The following TAMM41 variants were observed in gnomAD, a reference collection of about 807,000 sequenced individuals.
TAMM41 encodes the protein phosphatidate cytidylyltransferase, mitochondrial.
In TAMM41, 36 loss-of-function variants were observed where a neutral mutation model predicts 44.1. The observed-to-expected ratio is 0.82, with a 90% CI of 0.63 to 1.08. The LOEUF (loss-of-function observed/expected upper bound fraction) is 1.08. Among genes scored for constraint, TAMM41 ranks in the 50% least tolerant of loss-of-function variants. The pLI, the probability that TAMM41 is intolerant of heterozygous loss-of-function variation, is 0.00. For synonymous variants in TAMM41, 164 were observed against 153.1 expected, an observed-to-expected ratio of 1.07 and a Z score of -0.53; for missense variants, 417 against 404.3, an observed-to-expected ratio of 1.03 and a Z score of -0.27.
intron 7 of TAMM41, among the ~76,000 whole-genome samples, chr3:11,802,013 G>A (rs921579791): frequency 2.0e-5 from 3 of 152,154 alleles, no homozygotes; most frequent in East Asian, 1.9e-4. Context: ...GATTCTAGGA[G>A]TTCAAGACCA....
chr3:11,817,276 A>G lies in TAMM41; in HGVS notation c.624T>C (p.Asn208=). 1.2e-6 allele frequency: 2 copies of G among 1,613,576 alleles called. No homozygotes were observed. Among genetic ancestry groups the G allele is most frequent in the East Asian group, 2.2e-5 (1 of 44,870 alleles). Residue 208 remains asparagine (N), a synonymous_variant, in exon 5 of 8, where the codon AAT becomes AAC. Coordinates refer to ENST00000455809, the MANE Select transcript of TAMM41 (RefSeq NM_001284401.2). ...KTKVLNIVKP[N]IAHFRELYGS... is the part of the protein sequence containing the mutation. Reference sequence around the variant, plus strand: ...CATAGAGCTCTCGAAAGTGGGCTATATTGGGCTTCACAATATTCAACACTT... The same window carrying G: ...CATAGAGCTCTCGAAAGTGGGCTATGTTGGGCTTCACAATATTCAACACTT...
chr3:11,746,680 T>C, the TAMM41 span, among the ~76,000 whole-genome samples: 3 of 152,166 alleles, frequency 2.0e-5, no homozygotes, highest in African/African-American at 7.2e-5. Flanking sequence ...GCAGAGTCTC[T>C]CTCTATTGCT....
At chr3:11,816,741 C>G (rs2124983345) in intron 5 of TAMM41, among the ~76,000 whole-genome samples, 1 of 151,834 alleles carries the variant, frequency 6.6e-6, no homozygotes, top group Middle Eastern at 3.4e-3. Flanking sequence ...CCACTGCACT[C>G]TAGCCTGGGA....
chr3:11,773,500 C>T, the TAMM41 span, among the ~76,000 whole-genome samples: 2 of 151,850 alleles, frequency 1.3e-5, no homozygotes, highest in African/African-American at 2.4e-5. Context: ...GGATTACAGG[C>T]GTGAGCCACC....
the TAMM41 span, among the ~76,000 whole-genome samples, chr3:11,722,544 A>T: frequency 2.6e-5 from 4 of 152,352 alleles, no homozygotes; most frequent in African/African-American, 9.6e-5. Context: ...CATACAGCAT[A>T]ATACTCTATT....
At chr3:11,830,797 G>C (rs1045030396) in intron 3 of TAMM41, 7 of 151,820 alleles carry the variant, frequency 4.6e-5, no homozygotes, top group Admixed American at 3.3e-4. Flanking sequence ...CTTCAGTCCA[G>C]GTGGTTGAGG....
intron 7 of TAMM41, among the ~76,000 whole-genome samples, chr3:11,796,086 T>C (rs1021773490): frequency 1.3e-5 from 2 of 152,208 alleles, no homozygotes; most frequent in African/African-American, 2.4e-5. Context: ...CATGAGTGTA[T>C]GTGATGGTCA....
At chr3:11,803,533 T>C (rs561051663) in intron 7 of TAMM41, among the ~76,000 whole-genome samples, 1 of 152,244 alleles carries the variant, frequency 6.6e-6, no homozygotes, top group South Asian at 2.1e-4. Context: ...AAAAATAGAA[T>C]TAACCTTTGA....
At chr3:11,819,475 T>C (rs919437243) in intron 4 of TAMM41, among the ~76,000 whole-genome samples, 1 of 152,174 alleles carries the variant, frequency 6.6e-6, no homozygotes, top group Admixed American at 6.6e-5. Context: ...ACTGAAAGCA[T>C]CCCAAATGTC....
At chr3:11,836,060 G>C (rs537388792) in intron 3 of TAMM41, among the ~76,000 whole-genome samples, 2 of 149,480 alleles carry the variant, frequency 1.3e-5, no homozygotes, top group African/African-American at 4.9e-5. Flanking sequence ...GCAATGGCAC[G>C]ATCTTGGCTC....
chr3:11,750,142 C>T, the TAMM41 span, among the ~76,000 whole-genome samples: 4 of 152,014 alleles, frequency 2.6e-5, no homozygotes, highest in Non-Finnish European at 4.4e-5. Context: ...GTGATCCGCC[C>T]GCCTCGGCCT....
the TAMM41 span, among the ~76,000 whole-genome samples, chr3:11,741,261 C>A: frequency 7.1e-6 from 1 of 140,692 alleles, no homozygotes. Context: ...GCACTGGTGT[C>A]TGGTGTGGGC....
At chr3:11,811,315 TC>T (rs1320909876) in intron 5 of TAMM41, 2 of 152,180 alleles carry the variant, frequency 1.3e-5, no homozygotes, top group Non-Finnish European at 2.9e-5. Context: ...TGTAAAATAA[TC>T]TTAGAAATGA....
At chr3:11,727,855 C>T in the TAMM41 span, among the ~76,000 whole-genome samples, 4 of 149,384 alleles carry the variant, frequency 2.7e-5, no homozygotes, top group African/African-American at 9.9e-5. Flanking sequence ...GGCGCGATCT[C>T]GGCTCACAGC....
At chr3:11,829,581 A>G in intron 4 of TAMM41, 133 bp downstream of exon 4, 1 of 1,002,522 alleles carries the variant, frequency 1.0e-6, no homozygotes, top group South Asian at 1.7e-5. Flanking sequence ...AGGTTAGTGC[A>G]GGAACCACTC....
At chr3:11,814,531 A>C (rs186667348) in intron 5 of TAMM41, among the ~76,000 whole-genome samples, 1 of 152,166 alleles carries the variant, frequency 6.6e-6, no homozygotes, top group Non-Finnish European at 1.5e-5. Flanking sequence ...AAAGGAAAAA[A>C]GGTTAAACCA....
chr3:11,737,896 G>C, the TAMM41 span, among the ~76,000 whole-genome samples: 2 of 152,212 alleles, frequency 1.3e-5, no homozygotes, highest in South Asian at 4.1e-4. Flanking sequence ...GCCATGGGCC[G>C]TTTGACAACG....
chr3:11,792,609 C>A (rs891732613), intron 7 of TAMM41, among the ~76,000 whole-genome samples: 1 of 152,054 alleles, frequency 6.6e-6, no homozygotes, highest in African/African-American at 2.4e-5. Context: ...TCTTTTCTGC[C>A]TTAATATTAT....
the TAMM41 span, among the ~76,000 whole-genome samples, chr3:11,729,875 G>T: frequency 2.0e-5 from 3 of 152,188 alleles, no homozygotes; most frequent in African/African-American, 7.2e-5. Context: ...CCAAGTGTGT[G>T]CAGTGTTGAA....
Sources: gnomAD v4.1 joint callset for allele counts (sites outside exome capture counted in the v4.1 genomes callset) on GRCh38, gnomAD v4.1.1 for gene constraint, MANE v1.5 for transcripts, NCBI Gene and HGNC (gene_info 2026-07-23, HGNC 2026-07-21) for gene names.